The following MAD2L2 variants were observed in gnomAD, a reference collection of about 807,000 sequenced individuals.
The protein encoded by MAD2L2 is mitotic arrest deficient 2 like 2.
A neutral mutation model predicts 30.5 loss-of-function variants in MAD2L2; 17 were observed. That is an observed-to-expected ratio of 0.56 (90% confidence interval 0.38 to 0.84). The LOEUF is 0.84. Ranked by LOEUF, MAD2L2 falls within the 40% of genes least tolerant of loss-of-function variation. The pLI is 0.00. For synonymous variants in MAD2L2, 101 were observed against 113.9 expected (o/e 0.89, Z 0.72); for missense variants, 213 against 277.4 (o/e 0.77, Z 1.65).
At position 11,677,623 on chromosome 1, in the gene MAD2L2, A is replaced by G. The variant is rs1640793821; in HGVS notation, c.160-9T>C. On this transcript the variant is annotated splice_polypyrimidine_tract_variant and intron_variant, in intron 3 of 8. Transcript: ENST00000376692. ...TCCGGGTGGCAGGACATCTGCACAC[A>G]ATACCATGCGGCTCGTGAGGCCCAA... 1.2e-6 allele frequency: 2 copies of G among 1,611,236 alleles called. No individual in the cohort carries two copies. Among genetic ancestry groups the G allele is most frequent in the African/African-American group, 1.3e-5 (1 of 74,884 alleles).
At chr1:11,680,890 G>A in intron 1 of MAD2L2, 149 bp downstream of exon 1, 2 of 730,424 alleles carry the variant, frequency 2.7e-6, no homozygotes, top group Non-Finnish European at 3.7e-6. Context: ...GCAGGGCCGC[G>A]GACGCAGAGG....
Position 11,678,056 on chromosome 1 carries a change from C to CAAA in MAD2L2, c.160-445_160-443dup, listed in dbSNP as rs34436574. ...TGGGCAACAGAGCGAGACTCCATCT[C>CAAA]AAAAAAAAAAAAAAAAACCAGAGGC... On this transcript the variant is annotated intron_variant, in intron 3 of 8. Coordinates refer to ENST00000376692, the MANE Select transcript of MAD2L2 (RefSeq NM_006341.4). Among the ~76,000 whole-genome samples the CAAA allele has an allele frequency of 9.7e-4, 102 of 104,888 alleles. 2 individuals are homozygous for CAAA. Among genetic ancestry groups the CAAA allele is most frequent in the African/African-American group, 3.7e-3 (97 of 26,316 alleles). The allele number at this position is 104,888 out of a possible 152,430, so 68.8% of individuals were successfully genotyped here.
upstream of MAD2L2, among the ~76,000 whole-genome samples, chr1:11,685,427 A>G (rs1640941731): frequency 1.3e-5 from 2 of 152,204 alleles, no homozygotes; most frequent in South Asian, 4.1e-4. Context: ...GCTATTTTCA[A>G]AAACAAAAGC....
chr1:11,676,818 G>A, intron 5 of MAD2L2, 30 bp downstream of exon 5: 2 of 1,564,028 alleles, frequency 1.3e-6, no homozygotes, highest in Non-Finnish European at 8.8e-7. Context: ...CCTGATGCCA[G>A]CTAGTGGGCG....
Position 11,674,632 on chromosome 1 carries a change from T to G in MAD2L2, c.*143A>C, listed in dbSNP as rs1640724233. The G allele has an allele frequency of 2.4e-6, 2 of 833,492 alleles. No individual in the cohort carries two copies. Among genetic ancestry groups the G allele is most frequent in the Non-Finnish European group, 3.9e-6 (2 of 514,698 alleles). The allele number at this position is 833,492 out of a possible 1,614,324, so 51.6% of individuals were successfully genotyped here. ...GGGGGAGGCATCCTCCAAGCAGACC[T>G]GAGCGGCCCCGGGCTGGGGCGGGCG... On this transcript the variant is annotated 3_prime_UTR_variant, in exon 9 of 9. Coordinates refer to ENST00000376692, the MANE Select transcript of MAD2L2 (RefSeq NM_006341.4). The surrounding 1 kb of genome is among the most constrained non-coding windows in gnomAD (Gnocchi z 6.1).
intron 3 of MAD2L2, among the ~76,000 whole-genome samples, chr1:11,679,142 C>T (rs1028450126): frequency 3.3e-5 from 5 of 151,894 alleles, no homozygotes; most frequent in East Asian, 3.9e-4. Flanking sequence ...CCAGCCAGGG[C>T]GACAGAGCGA....
At position 11,678,413 on chromosome 1, in the gene MAD2L2, A is replaced by G. The variant is rs566992089; in HGVS notation, c.160-799T>C. Reference sequence around the variant, plus strand: ...GCAACAAAGCAAGACTCCATCTCAAAGGAAAAGAAAGATAAGAACTCAATC... The same window carrying G: ...GCAACAAAGCAAGACTCCATCTCAAGGGAAAAGAAAGATAAGAACTCAATC... On this transcript the variant is annotated intron_variant, in intron 3 of 8. Coordinates refer to ENST00000376692, the MANE Select transcript of MAD2L2 (RefSeq NM_006341.4). Among the ~76,000 whole-genome samples the G allele has an allele frequency of 2.9e-4, 44 of 152,366 alleles. No homozygotes were observed. In the East Asian group the frequency reaches 8.3e-3, roughly 29 times the overall value.
In MAD2L2 at chr1:11,678,166, G is replaced by A. The variant is rs1570287173; in HGVS notation, c.160-552C>T. ...ACAGTGGCTCACTCCTCTAATCCCAGCACTTTGAGAGGATGAGGTGGGTGG... is the reference window on the plus strand; with the variant it reads ...ACAGTGGCTCACTCCTCTAATCCCAACACTTTGAGAGGATGAGGTGGGTGG... On this transcript the variant is annotated intron_variant, in intron 3 of 8. Transcript: ENST00000376692. Among the ~76,000 whole-genome samples the A allele has an allele frequency of 2.0e-5, 3 of 151,772 alleles. No homozygotes were observed. In the East Asian group the frequency reaches 5.8e-4, roughly 29 times the overall value.
intron 6 of MAD2L2, 119 bp downstream of exon 6, chr1:11,675,927 G>A: frequency 1.1e-6 from 1 of 937,776 alleles, no homozygotes. Context: ...AGAGGAGGTG[G>A]ACTCTCAGGG....
At chr1:11,681,339 G>A (rs905424340), upstream of MAD2L2, 2 of 152,264 alleles carry the variant, frequency 1.3e-5, no homozygotes, top group African/African-American at 4.8e-5. Flanking sequence ...ACTTCGGGTG[G>A]GCGCGAAGAA....
chr1:11,682,972 T>C (rs1021018324), upstream of MAD2L2, among the ~76,000 whole-genome samples: 8 of 152,206 alleles, frequency 5.3e-5, no homozygotes, highest in Non-Finnish European at 1.2e-4. Context: ...CCGTGGCTCC[T>C]TGAGACTGAC....
chr1:11,675,321 C>T, intron 7 of MAD2L2, 147 bp from the exon 8 acceptor site: 1 of 607,742 alleles, frequency 1.6e-6, no homozygotes, highest in Admixed American at 3.1e-5. Flanking sequence ...CCCAGGACCG[C>T]CCCCATCCCC....
chr1:11,690,283 G>C lies in MAD2L2; in HGVS notation c.-692+1130C>G, dbSNP rs1055542949. Among the ~76,000 whole-genome samples, 3 of 152,150 alleles carry C rather than the reference G, an allele frequency of 2.0e-5. No individual in the cohort carries two copies. ...GTAGGTGTTCAATAGGTATTTATGG[G>C]ATGGATGACTCAAACCTTTCAGTGA... On this transcript the variant is annotated intron_variant, in intron 1 of 10. Coordinates refer to the MAD2L2 transcript ENST00000235310. This position sits in a 1 kb window ranked among gnomAD's most constrained non-coding sequence, Gnocchi z 4.2.
intron 5 of MAD2L2, 80 bp downstream of exon 5, chr1:11,676,768 A>G (rs1640776146): frequency 8.9e-7 from 1 of 1,123,832 alleles, no homozygotes; most frequent in Non-Finnish European, 1.4e-6. Flanking sequence ...AAGGTATTCA[A>G]GGGCCGCCTT....
chr1:11,677,266 G>A, intron 4 of MAD2L2: 1 of 596,614 alleles, frequency 1.7e-6, no homozygotes. Flanking sequence ...GGGGACGGAT[G>A]TGAGAAGAAC....
chr1:11,688,413 T>C lies in MAD2L2; in HGVS notation c.-692+3000A>G, dbSNP rs1349297244. Among the ~76,000 whole-genome samples, 1 of 151,950 alleles carries C rather than the reference T, an allele frequency of 6.6e-6. No individual in the cohort carries two copies. Among genetic ancestry groups the C allele is most frequent in the Non-Finnish European group, 1.5e-5 (1 of 67,984 alleles). ...TGTCTCTACTAAAAATACAAAAAAT[T>C]AGCCAGGCATGGTGGCAGGTGCCTG... On this transcript the variant is annotated intron_variant, in intron 1 of 10. Coordinates refer to the MAD2L2 transcript ENST00000235310. This position sits in a 1 kb window ranked among gnomAD's most constrained non-coding sequence, Gnocchi z 4.6.
At chr1:11,677,164 T>C (rs977006369) in intron 4 of MAD2L2, 12 of 614,998 alleles carry the variant, frequency 2.0e-5, no homozygotes, top group African/African-American at 3.7e-5. Context: ...CCGGGCCCCA[T>C]AGGGAAGGTC....
chr1:11,677,416 C>T, intron 4 of MAD2L2, 127 bp downstream of exon 4: 2 of 919,602 alleles, frequency 2.2e-6, no homozygotes, highest in Non-Finnish European at 3.5e-6. Flanking sequence ...GAACAGGCTT[C>T]TGGGTATTGG....
In MAD2L2 at chr1:11,674,532, GAGAC is replaced by G. The variant is rs1640722071; in HGVS notation, c.*239_*242del. ...TGAAACAACTCACAGCACAGTATTTGAGACAGACAGTGTTGGCCGGCGGAACCCC... is the reference window on the plus strand; with the variant it reads ...TGAAACAACTCACAGCACAGTATTTGAGACAGTGTTGGCCGGCGGAACCCC... On this transcript the variant is annotated 3_prime_UTR_variant, in exon 9 of 9. Coordinates refer to ENST00000376692, the MANE Select transcript of MAD2L2 (RefSeq NM_006341.4). This position sits in a 1 kb window ranked among gnomAD's most constrained non-coding sequence, Gnocchi z 6.1. 5.7e-6 allele frequency: 3 copies of G among 521,868 alleles called. No homozygotes were observed. The highest frequency in any genetic ancestry group is 1.0e-5 in the Non-Finnish European group (3 of 287,846). The allele number at this position is 521,868 out of a possible 1,614,324, so 32.3% of individuals were successfully genotyped here.
Sources: gnomAD v4.1 joint callset for allele counts (sites outside exome capture counted in the v4.1 genomes callset) on GRCh38, gnomAD v4.1.1 for gene constraint, Gnocchi (gnomAD v3.1) non-coding constraint, MANE v1.5 for transcripts, NCBI Gene and HGNC (gene_info 2026-07-23, HGNC 2026-07-21) for gene names.